NRCAM: variants seen among roughly 807,000 people sequenced by gnomAD.
The protein encoded by NRCAM is neuronal cell adhesion molecule.
NRCAM carries 83 observed loss-of-function variants against 156.5 expected under a neutral mutation model. That is an observed-to-expected ratio of 0.53 (90% CI 0.44 to 0.64). The LOEUF (loss-of-function observed/expected upper bound fraction) is 0.64. Ranked by LOEUF, NRCAM falls within the 30% of genes least tolerant of loss-of-function variation. The probability of loss-of-function intolerance (pLI) is 0.00; values close to 1 mark genes in which losing one functional copy is unlikely to be tolerated. For synonymous variants in NRCAM, 538 were observed against 563.9 expected (o/e 0.95, Z 0.65); for missense variants, 1,417 against 1,597.3 (o/e 0.89, Z 1.92).
chr7:108,267,517 G>T (rs1353924802), intron 3 of NRCAM, among the ~76,000 whole-genome samples: 2 of 152,204 alleles, frequency 1.3e-5, no homozygotes, highest in East Asian at 3.9e-4. Context: ...TCCGTATAAA[G>T]GTATTCCACT....
chr7:108,225,990 GAAC>G (rs1007122351), intron 9 of NRCAM, among the ~76,000 whole-genome samples: 1 of 152,160 alleles, frequency 6.6e-6, no homozygotes, highest in Non-Finnish European at 1.5e-5. Flanking sequence ...GGTTATCATG[GAAC>G]CAGTCATGAC....
chr7:108,240,161 A>T lies in NRCAM; in HGVS notation c.-97T>A. ...TGTGTGCAACGTTTAAGTAATTTTCATGCGGGAAACTGAAAAAGGATAGAG... is the reference window on the plus strand; with the variant it reads ...TGTGTGCAACGTTTAAGTAATTTTCTTGCGGGAAACTGAAAAAGGATAGAG... On this transcript the variant is annotated 5_prime_UTR_variant, in exon 4 of 33. The change abolishes an upstream ATG in the 5' untranslated region. Transcript: ENST00000379028. The T allele has an allele frequency of 1.3e-6, 1 of 767,428 alleles. No homozygotes were observed. Among genetic ancestry groups the T allele is most frequent in the Non-Finnish European group, 2.2e-6 (1 of 449,756 alleles). 47.5% of individuals were successfully genotyped at this position (767,428 alleles called of 1,614,324 possible).
intron 3 of NRCAM, among the ~76,000 whole-genome samples, chr7:108,244,675 A>T (rs530139172): frequency 1.3e-5 from 2 of 152,322 alleles, no homozygotes; most frequent in East Asian, 3.9e-4. Context: ...GATAATGATC[A>T]AACAAGACAA....
Position 108,147,891 on chromosome 7 carries a change from G to A in NRCAM, c.*2019C>T, listed in dbSNP as rs2039622031. ...CCAGTATGGAAGAGGAAAAAATGTA[G>A]TTTTATTGTTCTCCCAAAATATTGG... On this transcript the variant is annotated 3_prime_UTR_variant, in exon 33 of 33. Transcript: ENST00000379028. 1 of 152,630 alleles carries A rather than the reference G, an allele frequency of 6.6e-6. No individual in the cohort carries two copies. Among genetic ancestry groups the A allele is most frequent in the Non-Finnish European group, 1.5e-5 (1 of 68,022 alleles). The allele number at this position is 152,630 out of a possible 1,614,324, so 9.5% of individuals were successfully genotyped here. A position where few individuals can be genotyped will look rare whatever the true frequency, so the allele number is the denominator to read the frequency against.
At chr7:108,288,050 C>T (rs1563118410) in intron 3 of NRCAM, among the ~76,000 whole-genome samples, 2 of 152,066 alleles carry the variant, frequency 1.3e-5, no homozygotes, top group Non-Finnish European at 2.9e-5. Flanking sequence ...TGGAATACTA[C>T]TCAGCCATAA....
chr7:108,225,435 T>C (rs182486357), intron 10 of NRCAM, among the ~76,000 whole-genome samples: 75 of 152,306 alleles, frequency 4.9e-4, no homozygotes, highest in African/African-American at 1.8e-3. Context: ...ACAGGTTTCA[T>C]TATTACACAT....
chr7:108,363,282 CT>C (rs946024791), intron 2 of NRCAM, among the ~76,000 whole-genome samples: 2 of 151,094 alleles, frequency 1.3e-5, no homozygotes, highest in East Asian at 1.9e-4. Flanking sequence ...CCACTATTTC[CT>C]TTTTTTTTGA....
chr7:108,218,757 C>A (rs1296692085), intron 11 of NRCAM, among the ~76,000 whole-genome samples: 1 of 152,080 alleles, frequency 6.6e-6, no homozygotes, highest in African/African-American at 2.4e-5. Context: ...ATCGAAAAGA[C>A]TGAAAGGGCA....
At chr7:108,266,507 ACG>A (rs752307325) in intron 3 of NRCAM, among the ~76,000 whole-genome samples, 29 of 152,310 alleles carry the variant, frequency 1.9e-4, no homozygotes, top group Admixed American at 1.2e-3. Context: ...TACACTGCAC[ACG>A]CATGTGTGTT....
At chr7:108,416,294 G>A (rs1408223543) in intron 1 of NRCAM, among the ~76,000 whole-genome samples, 1 of 152,196 alleles carries the variant, frequency 6.6e-6, no homozygotes, top group South Asian at 2.1e-4. Flanking sequence ...TAGTATCATA[G>A]TGTCTATTTT....
At chr7:108,422,101 C>T (rs888905445) in intron 1 of NRCAM, among the ~76,000 whole-genome samples, 2 of 152,136 alleles carry the variant, frequency 1.3e-5, no homozygotes, top group East Asian at 1.9e-4. Context: ...AGCCACTTCA[C>T]GAGTTCTTAG....
At chr7:108,326,338 A>G (rs1346134189) in intron 2 of NRCAM, among the ~76,000 whole-genome samples, 3 of 152,242 alleles carry the variant, frequency 2.0e-5, no homozygotes, top group Admixed American at 6.5e-5. Flanking sequence ...TACTGAGGAA[A>G]GAACCAAGTA....
intron 3 of NRCAM, among the ~76,000 whole-genome samples, chr7:108,292,275 G>C (rs931584279): frequency 6.6e-6 from 1 of 152,046 alleles, no homozygotes; most frequent in African/African-American, 2.4e-5. Flanking sequence ...TTTCCTAATC[G>C]GTAAAATAAT....
intron 1 of NRCAM, among the ~76,000 whole-genome samples, chr7:108,414,270 G>C (rs2154421420): frequency 6.6e-6 from 1 of 152,338 alleles, no homozygotes; most frequent in East Asian, 1.9e-4. Flanking sequence ...GACAGTGTGT[G>C]TCACAGAGCA....
chr7:108,159,364 A>T, intron 32 of NRCAM, 99 bp downstream of exon 32: 1 of 1,016,758 alleles, frequency 9.8e-7, no homozygotes, highest in South Asian at 1.3e-5. Context: ...TTTGAGGAAA[A>T]TATGAGATGC....
At chr7:108,420,070 GT>G (rs1172730598) in intron 1 of NRCAM, among the ~76,000 whole-genome samples, 3 of 150,090 alleles carry the variant, frequency 2.0e-5, no homozygotes, top group African/African-American at 7.3e-5. Flanking sequence ...GTGTGTGTGT[GT>G]TTATTTTTAA....
rs1327949837 is a variant in NRCAM, at chr7:108,226,237, T to C, written c.692A>G (p.Lys231Arg). 1 of 1,605,014 alleles carries C rather than the reference T, an allele frequency of 6.2e-7. No homozygotes were observed. The highest frequency in any genetic ancestry group is 1.7e-5 in the Admixed American group (1 of 59,098). ...RFNHTQTIQQKQPISVKVISV... is the reference protein window; with the variant it reads ...RFNHTQTIQQRQPISVKVISV... ...AATCACCTTCACAGAAATAGGTTGC[T>C]TCTGCTGTATGGTTTGAGTATGATT... The change falls in exon 9 of 33, where the codon AAG becomes AGG. Residue 231 changes from lysine to arginine, a missense_variant. Around this residue, in one of 2 missense-constraint regions of NRCAM, gnomAD observed 1,238 missense variants for 1,336.4 expected, o/e 0.93. Coordinates refer to ENST00000379028, the MANE Select transcript of NRCAM (RefSeq NM_001037132.4).
At chr7:108,269,635 C>G (rs1040303664) in intron 3 of NRCAM, among the ~76,000 whole-genome samples, 6 of 152,128 alleles carry the variant, frequency 3.9e-5, no homozygotes, top group Admixed American at 3.9e-4. Flanking sequence ...TGGAGGAACA[C>G]ACTGAAAAGG....
chr7:108,189,693 C>A lies in NRCAM; in HGVS notation c.1987G>T (p.Val663Phe). 1 of 1,564,410 alleles carries A rather than the reference C, an allele frequency of 6.4e-7. No homozygotes were observed. The highest frequency in any genetic ancestry group is 8.8e-7 in the Non-Finnish European group (1 of 1,137,152). ...LELTDQLDKS[V>F]QLSWTPGDDN... ...TCGCCTGGGGTCCATGACAGCTGAA[C>A]ACTTTTGTCAAGTTGATCTGTCAGT... Residue 663 changes from valine to phenylalanine, a missense_variant, in exon 20 of 33, where the codon GTT becomes TTT. This residue lies in a region of NRCAM where 1,238 missense variants were observed against 1,336.4 expected (regional missense o/e 0.93). Transcript: ENST00000379028.
Sources: gnomAD v4.1 joint callset for allele counts (sites outside exome capture counted in the v4.1 genomes callset) on GRCh38, gnomAD v4.1.1 for gene constraint, gnomAD v4.1.1 regional missense constraint, MANE v1.5 for transcripts, NCBI Gene and HGNC (gene_info 2026-07-23, HGNC 2026-07-21) for gene names.